The following BMPER variants were observed in gnomAD, a reference collection of about 807,000 sequenced individuals.
The protein encoded by BMPER is BMP binding endothelial regulator.
Under a neutral mutation model 87.3 loss-of-function variants are expected in BMPER, and 45 were observed. That is an observed-to-expected ratio of 0.52 (90% CI 0.41 to 0.66). The LOEUF is 0.66. Ranked by LOEUF, BMPER falls within the 30% of genes least tolerant of loss-of-function variation. The pLI is 0.00. For synonymous variants in BMPER, 326 were observed against 316.2 expected (o/e 1.03, Z -0.33); for missense variants, 784 against 867.5 (o/e 0.90, Z 1.21).
rs1784816321 is a variant in BMPER, at chr7:33,943,597, G to A, written c.319+6209G>A. 2.6e-5 allele frequency among the ~76,000 whole-genome samples: 4 copies of A among 152,342 alleles called. No homozygotes were observed. In the South Asian group the frequency reaches 8.3e-4, roughly 32 times the overall value. On this transcript the variant is annotated intron_variant, in intron 3 of 14. Coordinates refer to ENST00000649409, the MANE Select transcript of BMPER (RefSeq NM_001365308.1). ...GTGTTGGGAGAAAAGGTGTGCATGT[G>A]TCAAACTATGATGGACATTTTTACT...
At chr7:34,082,115 C>T (rs1321533947) in intron 12 of BMPER, among the ~76,000 whole-genome samples, 4 of 152,228 alleles carry the variant, frequency 2.6e-5, no homozygotes, top group South Asian at 2.1e-4. Flanking sequence ...GGCTGCTGCT[C>T]GCATCCCCAG....
In BMPER at chr7:33,905,760, CGGGA is replaced by C; in HGVS notation, c.133+19_133+22del. ...CCTTCTTGACAGGTAGGGGAGGGGG[CGGGA>C]GGGACCGGCCCTCCGGGACGCCGGT... On this transcript the variant is annotated intron_variant, in intron 1 of 14. Transcript: ENST00000649409. 33 of 568,096 alleles carry C rather than the reference CGGGA, an allele frequency of 5.8e-5. No homozygotes were observed. The highest frequency in any genetic ancestry group is 8.9e-5 in the Non-Finnish European group (30 of 336,494). 35.2% of individuals were successfully genotyped at this position (568,096 alleles called of 1,614,324 possible).
intron 13 of BMPER, among the ~76,000 whole-genome samples, chr7:34,128,119 T>A (rs979588939): frequency 1.3e-5 from 2 of 152,196 alleles, no homozygotes; most frequent in African/African-American, 4.8e-5. Flanking sequence ...TGTTCTTGGG[T>A]CCCCAAATGG....
intron 2 of BMPER, among the ~76,000 whole-genome samples, chr7:33,920,131 C>T (rs561912545): frequency 2.0e-4 from 30 of 152,276 alleles, no homozygotes; most frequent in South Asian, 1.9e-3. Flanking sequence ...TTCTGTTGCC[C>T]GATCTATCCC....
intron 2 of BMPER, among the ~76,000 whole-genome samples, chr7:33,919,702 C>T (rs1351231186): frequency 6.6e-6 from 1 of 152,180 alleles, no homozygotes; most frequent in Non-Finnish European, 1.5e-5. Context: ...TCCTGAGGCA[C>T]TGCAAGACAG....
intron 3 of BMPER, among the ~76,000 whole-genome samples, chr7:33,958,979 G>T (rs1190688808): frequency 6.6e-6 from 1 of 152,086 alleles, no homozygotes; most frequent in Non-Finnish European, 1.5e-5. Flanking sequence ...AAGATACGCT[G>T]GTTTTATAAA....
intron 6 of BMPER, among the ~76,000 whole-genome samples, chr7:34,021,119 A>G (rs1463996385): frequency 6.6e-6 from 1 of 152,042 alleles, no homozygotes; most frequent in East Asian, 1.9e-4. Flanking sequence ...TAATGCAAAT[A>G]CGAGAAGAGC....
chr7:34,153,108 T>A lies in BMPER; in HGVS notation c.1893T>A (p.His631Gln). 6.2e-7 allele frequency: 1 copy of A among 1,614,056 alleles called. No individual in the cohort carries two copies. The change falls in exon 15 of 15, where the codon CAT becomes CAA. Residue 631 changes from histidine to glutamine, a missense_variant. His to Gln is a conservative substitution (Grantham distance 24). Transcript: ENST00000649409. ...CTTTTTCAGCCACCCAGTGTAAGCA[T>A]GGTGCTGTGTACGATACCTGTGGTC... is the stretch of plus-strand genomic sequence containing the variant. ...QQNCAATQCKHGAVYDTCGPG... is the reference protein window; with the variant it reads ...QQNCAATQCKQGAVYDTCGPG...
intron 13 of BMPER, among the ~76,000 whole-genome samples, chr7:34,112,651 A>G (rs1790009192): frequency 6.6e-6 from 1 of 152,030 alleles, no homozygotes; most frequent in Non-Finnish European, 1.5e-5. Flanking sequence ...CTGTTGTAGC[A>G]TGTTTTTTCA....
At chr7:33,906,668 T>A in intron 1 of BMPER, 150 bp from the exon 2 acceptor site, 1 of 718,740 alleles carries the variant, frequency 1.4e-6, no homozygotes, top group East Asian at 2.7e-5. Context: ...GGCAGAGGTT[T>A]TGCTTTGGTG....
At chr7:33,960,628 A>G (rs943957940) in intron 3 of BMPER, among the ~76,000 whole-genome samples, 6 of 152,232 alleles carry the variant, frequency 3.9e-5, no homozygotes, top group African/African-American at 1.4e-4. Context: ...AGAATAAACC[A>G]GTAGTTAGGG....
chr7:34,051,440 A>G lies in BMPER; in HGVS notation c.677-421A>G, dbSNP rs986182315. Among the ~76,000 whole-genome samples the G allele has an allele frequency of 2.0e-5, 3 of 152,262 alleles. No homozygotes were observed. In the East Asian group the frequency reaches 5.8e-4, roughly 29 times the overall value. ...TTCTTTAAGAAGCTCCTCAGGCATTATATCTTCCAAGAATTCTTCTCTGAC... is the reference window on the plus strand; with the variant it reads ...TTCTTTAAGAAGCTCCTCAGGCATTGTATCTTCCAAGAATTCTTCTCTGAC... On this transcript the variant is annotated intron_variant, in intron 7 of 14. Transcript: ENST00000649409.
chr7:34,107,700 C>G (rs530327068), intron 13 of BMPER, among the ~76,000 whole-genome samples: 1 of 152,192 alleles, frequency 6.6e-6, no homozygotes, highest in Admixed American at 6.5e-5. Context: ...AATGAGACTG[C>G]TTTTTATTTC....
chr7:33,937,210 G>T, intron 2 of BMPER, 79 bp from the exon 3 acceptor site: 1 of 1,469,512 alleles, frequency 6.8e-7, no homozygotes, highest in Non-Finnish European at 9.5e-7. Flanking sequence ...TGGGGCTCGG[G>T]AAACCTCTGT....
intron 13 of BMPER, among the ~76,000 whole-genome samples, chr7:34,111,715 T>C (rs542855653): frequency 4.0e-5 from 6 of 151,486 alleles, no homozygotes; most frequent in Admixed American, 6.6e-5. Context: ...AAAGAAAACA[T>C]CTTTTTTTTT....
At position 34,153,642 on chromosome 7, in the gene BMPER, A is replaced by G. The variant is rs1405024553; in HGVS notation, c.*369A>G. 1 of 190,006 alleles carries G rather than the reference A, an allele frequency of 5.3e-6. No homozygotes were observed. Among genetic ancestry groups the G allele is most frequent in the Non-Finnish European group, 1.1e-5 (1 of 89,962 alleles). 11.8% of individuals were successfully genotyped at this position (190,006 alleles called of 1,614,324 possible). On this transcript the variant is annotated 3_prime_UTR_variant, in exon 15 of 15. Coordinates refer to ENST00000649409, the MANE Select transcript of BMPER (RefSeq NM_001365308.1). ...TAAGGAAGTTTTCTAAGAGCCCTCA[A>G]TTGCCTGCCTGTATTAATTTTAGTT...
intron 13 of BMPER, among the ~76,000 whole-genome samples, chr7:34,113,135 C>A (rs1019926257): frequency 2.0e-5 from 3 of 151,884 alleles, no homozygotes; most frequent in African/African-American, 7.2e-5. Context: ...ATAAAAAACT[C>A]AAAAAGAAAT....
chr7:34,079,045 C>G lies in BMPER; in HGVS notation c.1267C>G (p.Leu423Val). 6.2e-7 allele frequency: 1 copy of G among 1,614,204 alleles called. No individual in the cohort carries two copies. The highest frequency in any genetic ancestry group is 1.1e-5 in the South Asian group (1 of 91,084). The change falls in exon 12 of 15, where the codon CTG becomes GTG. Residue 423 changes from leucine (L) to valine (V), a missense_variant. Transcript: ENST00000649409. ...RSFSWTKSVE[L>V]VLGESRVSLQ... is the part of the protein sequence containing the mutation. Reference sequence around the variant, plus strand: ...CTTCTCGTGGACCAAGTCGGTGGAGCTGGTGCTGGGCGAGAGCAGGGTCAG... The same window carrying G: ...CTTCTCGTGGACCAAGTCGGTGGAGGTGGTGCTGGGCGAGAGCAGGGTCAG...
intron 5 of BMPER, among the ~76,000 whole-genome samples, chr7:33,972,635 C>T (rs1785577924): frequency 6.6e-6 from 1 of 152,042 alleles, no homozygotes; most frequent in Admixed American, 6.5e-5. Context: ...GGCCCTTTCT[C>T]TTTTCTGGCC....
Sources: gnomAD v4.1 joint callset for allele counts (sites outside exome capture counted in the v4.1 genomes callset) on GRCh38, gnomAD v4.1.1 for gene constraint, MANE v1.5 for transcripts, NCBI Gene and HGNC (gene_info 2026-07-23, HGNC 2026-07-21) for gene names.